The following NRG2 variants were observed in gnomAD, a reference collection of about 807,000 sequenced individuals.
NRG2 encodes the protein neuregulin 2, also known as pro-neuregulin-2, membrane-bound isoform.
In NRG2, 27 loss-of-function variants were observed where a neutral mutation model predicts 73.9. That is an observed-to-expected ratio of 0.37 (90% CI 0.27 to 0.50). The LOEUF (loss-of-function observed/expected upper bound fraction) is 0.50, where lower values mean the gene tolerates loss of function less well. Ranked by LOEUF, NRG2 falls within the 20% of genes least tolerant of loss-of-function variation. The pLI is 0.96. For missense variants in NRG2, 1,126 were observed against 1,210.1 expected (o/e 0.93, Z 1.03); for synonymous variants, 532 against 541.0 (o/e 0.98, Z 0.23).
At chr5:139,999,213 AG>A (rs140645433) in intron 1 of NRG2, among the ~76,000 whole-genome samples, 2,730 of 152,282 alleles carry the variant, frequency 0.018, 89 homozygotes, top group African/African-American at 0.062. Flanking sequence ...CCCTAATAAC[AG>A]TTTATCCTCT....
intron 1 of NRG2, among the ~76,000 whole-genome samples, chr5:139,905,690 G>T (rs1002266760): frequency 6.6e-6 from 1 of 152,068 alleles, no homozygotes; most frequent in Non-Finnish European, 1.5e-5. Context: ...TGGTGGGGGG[G>T]GGGCAGGTGT....
intron 2 of NRG2, among the ~76,000 whole-genome samples, chr5:139,885,850 G>A (rs757582985): frequency 4.9e-4 from 75 of 151,972 alleles, no homozygotes; most frequent in African/African-American, 1.6e-3. Context: ...CCTGACTTTC[G>A]TCACTGCAGT....
At chr5:139,934,217 A>G (rs569562512) in intron 1 of NRG2, among the ~76,000 whole-genome samples, 2 of 152,320 alleles carry the variant, frequency 1.3e-5, no homozygotes, top group East Asian at 3.9e-4. Context: ...ATTAAAAGAA[A>G]ACATTTAGAA....
At chr5:140,010,225 G>A (rs1473218002) in intron 1 of NRG2, among the ~76,000 whole-genome samples, 4 of 152,144 alleles carry the variant, frequency 2.6e-5, no homozygotes, top group Non-Finnish European at 5.9e-5. Flanking sequence ...TTGAACCCAG[G>A]AGGTGGAGGT....
intron 2 of NRG2, among the ~76,000 whole-genome samples, chr5:139,886,156 T>C (rs1763856052): frequency 1.3e-5 from 2 of 152,252 alleles, no homozygotes; most frequent in South Asian, 4.1e-4. Flanking sequence ...TCTTCCTTAA[T>C]TACATTCTGT....
At chr5:139,984,191 CA>C (rs2126569998) in intron 1 of NRG2, among the ~76,000 whole-genome samples, 1 of 152,152 alleles carries the variant, frequency 6.6e-6, no homozygotes, top group African/African-American at 2.4e-5. Context: ...GATTTATACA[CA>C]AGGCTGTTCA....
intron 1 of NRG2, among the ~76,000 whole-genome samples, chr5:139,912,160 T>A (rs1750875047): frequency 6.6e-6 from 1 of 152,154 alleles, no homozygotes; most frequent in Admixed American, 6.5e-5. Context: ...CTTATTCCCT[T>A]GAGGACTGAG....
chr5:139,884,135 G>C (rs576743158), intron 2 of NRG2, among the ~76,000 whole-genome samples: 129 of 152,128 alleles, frequency 8.5e-4, no homozygotes, highest in Admixed American at 3.2e-3. Flanking sequence ...AGCGGAGAAG[G>C]GGGTATCTGG....
intron 1 of NRG2, among the ~76,000 whole-genome samples, chr5:139,968,416 T>C (rs1299902116): frequency 1.3e-5 from 2 of 152,154 alleles, no homozygotes; most frequent in Non-Finnish European, 2.9e-5. Context: ...TGGAACATCC[T>C]CCCTATAGAG....
intron 1 of NRG2, among the ~76,000 whole-genome samples, chr5:139,921,054 A>G (rs1751621201): frequency 6.6e-6 from 1 of 152,238 alleles, no homozygotes; most frequent in Non-Finnish European, 1.5e-5. Flanking sequence ...AATATACAAG[A>G]TCTATATTAG....
At chr5:139,982,103 G>C (rs1384421393) in intron 1 of NRG2, among the ~76,000 whole-genome samples, 1 of 152,184 alleles carries the variant, frequency 6.6e-6, no homozygotes, top group East Asian at 1.9e-4. Context: ...TTTGGTGGAA[G>C]TAAACAGCAA....
At chr5:139,872,331 G>A (rs1762914776) in intron 3 of NRG2, among the ~76,000 whole-genome samples, 1 of 152,224 alleles carries the variant, frequency 6.6e-6, no homozygotes, top group Admixed American at 6.5e-5. Context: ...AGGGAGCTGG[G>A]CCTTCAGGGG....
intron 1 of NRG2, among the ~76,000 whole-genome samples, chr5:139,924,759 T>C (rs945815108): frequency 1.3e-5 from 2 of 152,198 alleles, no homozygotes; most frequent in Non-Finnish European, 2.9e-5. Flanking sequence ...CCTGGGCTGA[T>C]GGGGCTTGGC....
At chr5:139,925,145 A>G (rs1425922487) in intron 1 of NRG2, among the ~76,000 whole-genome samples, 1 of 152,170 alleles carries the variant, frequency 6.6e-6, no homozygotes, top group Non-Finnish European at 1.5e-5. Flanking sequence ...CAGTTCATCC[A>G]TAAGTTCTAT....
chr5:140,020,385 G>A (rs1760124287), intron 1 of NRG2, among the ~76,000 whole-genome samples: 1 of 152,174 alleles, frequency 6.6e-6, no homozygotes, highest in Admixed American at 6.5e-5. Context: ...CCAGGACAGA[G>A]GTATGAGACC....
chr5:139,910,228 G>A (rs1765491302), intron 1 of NRG2, among the ~76,000 whole-genome samples: 1 of 152,190 alleles, frequency 6.6e-6, no homozygotes, highest in Non-Finnish European at 1.5e-5. Flanking sequence ...AATCTGGATG[G>A]CTGAAGGAGT....
chr5:139,919,437 A>T (rs1216231572), intron 1 of NRG2, among the ~76,000 whole-genome samples: 1 of 152,048 alleles, frequency 6.6e-6, no homozygotes, highest in African/African-American at 2.4e-5. Flanking sequence ...AAGTTACTGG[A>T]TCCTCTCTGG....
At chr5:139,921,079 T>C (rs773605311) in intron 1 of NRG2, among the ~76,000 whole-genome samples, 3 of 152,182 alleles carry the variant, frequency 2.0e-5, no homozygotes, top group Non-Finnish European at 2.9e-5. Flanking sequence ...ACTACAAAAC[T>C]CTGATAAACA....
chr5:139,901,841 C>T (rs571394406), intron 1 of NRG2, among the ~76,000 whole-genome samples: 2 of 152,326 alleles, frequency 1.3e-5, no homozygotes, highest in South Asian at 4.2e-4. Flanking sequence ...CTTAGAATCC[C>T]CTTCCAAAGT....
Sources: allele counts gnomAD v4.1 joint callset (sites outside exome capture counted in the v4.1 genomes callset), GRCh38; gene constraint gnomAD v4.1.1; transcripts MANE v1.5; gene names NCBI Gene and HGNC (gene_info 2026-07-23, HGNC 2026-07-21).